SLC12A7: variants seen among roughly 807,000 people sequenced by gnomAD.
The protein encoded by SLC12A7 is solute carrier family 12 member 7, also known as K-Cl cotransporter 4.
Under a neutral mutation model 120.6 loss-of-function variants are expected in SLC12A7, and 100 were observed. The ratio of observed to expected loss-of-function variants is 0.83; its 90% CI spans 0.71 to 0.98. The LOEUF (loss-of-function observed/expected upper bound fraction) is 0.98. Among genes scored for constraint, SLC12A7 ranks in the 50% least tolerant of loss-of-function variants. The probability of loss-of-function intolerance (pLI) is 0.00; values close to 1 mark genes in which losing one functional copy is unlikely to be tolerated. For synonymous variants in SLC12A7, 760 were observed against 678.0 expected, an observed-to-expected ratio of 1.12 and a Z score of -1.88; for missense variants, 1,373 against 1,548.1, an observed-to-expected ratio of 0.89 and a Z score of 1.90.
intron 1 of SLC12A7, among the ~76,000 whole-genome samples, chr5:1,105,134 G>A (rs1341417601): frequency 8.7e-5 from 13 of 149,220 alleles, no homozygotes; most frequent in Non-Finnish European, 1.6e-4. Flanking sequence ...GCAGGGATGA[G>A]GTCCTGCAGT....
At chr5:1,085,558 AGG>A (rs1739752912) in intron 6 of SLC12A7, 85 bp from the exon 7 acceptor site, 11 of 1,473,998 alleles carry the variant, frequency 7.5e-6, no homozygotes, top group African/African-American at 1.4e-5. Context: ...AGCGCCACAC[AGG>A]GGCCTCCTCC....
upstream of SLC12A7, among the ~76,000 whole-genome samples, chr5:1,114,829 G>A (rs7702189): frequency 0.47 from 70,925 of 151,942 alleles, 18,272 homozygotes; most frequent in Non-Finnish European, 0.59. Flanking sequence ...GGTGCTTGAT[G>A]TCTGAATCGA....
chr5:1,057,755 G>A (rs1735780058), intron 21 of SLC12A7, 106 bp from the exon 22 acceptor site: 3 of 1,142,274 alleles, frequency 2.6e-6, no homozygotes, highest in Non-Finnish European at 3.7e-6. Flanking sequence ...AGAACCTGAA[G>A]GGCCCTGTGT....
the SLC12A7 span, among the ~76,000 whole-genome samples, chr5:1,141,204 C>G: frequency 4.6e-5 from 7 of 152,200 alleles, no homozygotes; most frequent in African/African-American, 1.7e-4. Flanking sequence ...ATCGTCCCTG[C>G]TCTGTGAGTG....
At chr5:1,153,058 C>T in the SLC12A7 span, among the ~76,000 whole-genome samples, 9 of 152,210 alleles carry the variant, frequency 5.9e-5, no homozygotes, top group East Asian at 9.6e-4. Flanking sequence ...GTAGCGGGCA[C>T]GACACAAAAT....
intron 23 of SLC12A7, among the ~76,000 whole-genome samples, chr5:1,052,687 AC>A (rs1041706796): frequency 1.7e-4 from 26 of 152,078 alleles, no homozygotes; most frequent in Non-Finnish European, 2.5e-4. Context: ...CACAGGGAGG[AC>A]GAGCAGAGAC....
the SLC12A7 span, among the ~76,000 whole-genome samples, chr5:1,123,376 G>A: frequency 1.3e-5 from 2 of 152,170 alleles, no homozygotes; most frequent in Non-Finnish European, 2.9e-5. Flanking sequence ...GAACCCTTGG[G>A]TCCCAGCACC....
chr5:1,123,426 G>C, the SLC12A7 span, among the ~76,000 whole-genome samples: 1 of 152,190 alleles, frequency 6.6e-6, no homozygotes, highest in Non-Finnish European at 1.5e-5. Flanking sequence ...CCAACTCCTG[G>C]AGGCGCACTA....
At chr5:1,080,234 A>AGTGCACGCAGACGGACGGGG (rs1561068529) in intron 9 of SLC12A7, among the ~76,000 whole-genome samples, 3 of 8,520 alleles carry the variant, frequency 3.5e-4, no homozygotes, top group Non-Finnish European at 3.2e-3. Flanking sequence ...CGCGGCGCGG[A>AGTGCACGCAGACGGACGGGG]GACACCAGGA....
chr5:1,117,030 T>C (rs1028987351), upstream of SLC12A7, among the ~76,000 whole-genome samples: 4 of 152,114 alleles, frequency 2.6e-5, no homozygotes, highest in Admixed American at 6.5e-5. The surrounding 1 kb of genome is among the most constrained non-coding windows in gnomAD (Gnocchi z 4.5). Context: ...CCAACCCTCA[T>C]GGATGCCGCC....
rs144249172 is a variant in SLC12A7 at position 1,053,589 on chromosome 5, C to A, written c.3027-107G>T. On this transcript the variant is annotated intron_variant, in intron 22 of 23. Coordinates refer to ENST00000264930, the MANE Select transcript of SLC12A7 (RefSeq NM_006598.3). ...CTGCATTCACACGTGTTGGAAAGGG[C>A]TGTGTGAGTCAGGATCAGGCGGATT... 7 of 1,394,528 alleles carry A rather than the reference C, an allele frequency of 5.0e-6. No homozygotes were observed. In the African/African-American group the frequency reaches 9.9e-5, roughly 20 times the overall value. The allele number at this position is 1,394,528 out of a possible 1,614,324, so 86.4% of individuals were successfully genotyped here.
rs956133182 is a variant in SLC12A7, at chr5:1,083,196, C to G, written c.1129+549G>C. On this transcript the variant is annotated intron_variant, in intron 8 of 23. Transcript: ENST00000264930. The stretch of plus-strand genomic sequence containing the variant: ...AAGTCCGGGCTTCCTCTCTAGGGTT[C>G]TGGAAAGCCTGGGCTTCCTCTCTAG... Among the ~76,000 whole-genome samples the G allele has an allele frequency of 3.5e-4, 53 of 150,858 alleles. 1 individual carries two copies. The highest frequency in any genetic ancestry group is 1.2e-3 in the African/African-American group (51 of 41,022).
chr5:1,062,708 G>GGGTCTGA, intron 20 of SLC12A7, among the ~76,000 whole-genome samples: 1 of 148,122 alleles, frequency 6.8e-6, no homozygotes, highest in African/African-American at 2.5e-5. Context: ...TGAGGGACTG[G>GGGTCTGA]GGGACTGGGG....
rs201925892 is a variant in SLC12A7, at chr5:1,064,192, G to C, written c.2498C>G (p.Ser833Trp). The C allele has an allele frequency of 5.6e-6, 9 of 1,612,380 alleles. No individual in the cohort carries two copies. The highest frequency in any genetic ancestry group is 5.0e-5 in the Admixed American group (3 of 60,004). ...GAAGCGCTCCTGGTTTTGCGGAAAC[G>C]AGTCGACGTTCTTGGCCACCAGCAG... ...QALLVAKNVD[S>W]FPQNQERFGG... The change falls in exon 19 of 24, where the codon TCG (serine) becomes TGG (tryptophan). Residue 833 changes from serine to tryptophan, a missense_variant. Ser to Trp is a radical substitution (Grantham distance 177). Coordinates refer to ENST00000264930, the MANE Select transcript of SLC12A7 (RefSeq NM_006598.3).
At chr5:1,149,867 C>G in the SLC12A7 span, among the ~76,000 whole-genome samples, 1 of 152,182 alleles carries the variant, frequency 6.6e-6, no homozygotes, top group African/African-American at 2.4e-5. Flanking sequence ...CGTCTCTACT[C>G]ACAATACAAA....
At position 1,078,715 on chromosome 5, in the gene SLC12A7, C is replaced by T. The variant is rs750535834; in HGVS notation, c.1440G>A (p.Val480=). The change falls in exon 11 of 24, where the codon GTG becomes GTA. Residue 480 remains valine (V), a synonymous_variant. Coordinates refer to ENST00000264930, the MANE Select transcript of SLC12A7 (RefSeq NM_006598.3). Reference sequence around the variant, plus strand: ...TGGAAACGTACTTATCTCGTAAGACCACGCCTTCAATGCAGGCCCCAAACA... The same window carrying T: ...TGGAAACGTACTTATCTCGTAAGACTACGCCTTCAATGCAGGCCCCAAACA... ...IVLFGACIEG[V]VLRDKFGEAL... 48 of 1,612,026 alleles carry T rather than the reference C, an allele frequency of 3.0e-5. 1 individual carries two copies. The Middle Eastern group carries it at 4.9e-4, about 17-fold the overall frequency.
the SLC12A7 span, among the ~76,000 whole-genome samples, chr5:1,141,021 G>C: frequency 6.6e-6 from 1 of 152,210 alleles, no homozygotes; most frequent in Non-Finnish European, 1.5e-5. Context: ...AATACGCTCG[G>C]GCCGCTGTGG....
the SLC12A7 span, among the ~76,000 whole-genome samples, chr5:1,154,380 C>CACAG: frequency 6.6e-6 from 1 of 151,930 alleles, no homozygotes; most frequent in Non-Finnish European, 1.5e-5. Flanking sequence ...CACACACACA[C>CACAG]ACACACACAC....
chr5:1,069,929 C>T (rs187140095), intron 17 of SLC12A7, among the ~76,000 whole-genome samples: 17 of 152,152 alleles, frequency 1.1e-4, no homozygotes, highest in South Asian at 2.1e-4. Flanking sequence ...GGCACTCACC[C>T]GTCCCTCCCC....
Sources: gnomAD v4.1 joint callset for allele counts (sites outside exome capture counted in the v4.1 genomes callset) on GRCh38, gnomAD v4.1.1 for gene constraint, Gnocchi (gnomAD v3.1) non-coding constraint, MANE v1.5 for transcripts, NCBI Gene and HGNC (gene_info 2026-07-23, HGNC 2026-07-21) for gene names.